The following CMYA5 variants were observed in gnomAD, a reference collection of about 807,000 sequenced individuals.
CMYA5 encodes cardiomyopathy associated 5.
CMYA5 carries 246 observed loss-of-function variants against 318.9 expected under a neutral mutation model. That is an observed-to-expected ratio of 0.77 (90% CI 0.70 to 0.86). The LOEUF (loss-of-function observed/expected upper bound fraction) is 0.86, where lower values mean the gene tolerates loss of function less well. CMYA5 is among the 40% of genes least tolerant of loss of function. The probability of loss-of-function intolerance (pLI) is 0.00; values close to 1 mark genes in which losing one functional copy is unlikely to be tolerated. For missense variants in CMYA5, 4,589 were observed against 4,678.2 expected, an observed-to-expected ratio of 0.98 and a Z score of 0.56; for synonymous variants, 1,641 against 1,729.5, an observed-to-expected ratio of 0.95 and a Z score of 1.27.
chr5:79,720,318 A>C (rs932881434), intron 1 of CMYA5, among the ~76,000 whole-genome samples: 1 of 152,212 alleles, frequency 6.6e-6, no homozygotes, highest in African/African-American at 2.4e-5. Flanking sequence ...AATCATCTTC[A>C]AAAAAGTGAC....
At chr5:79,716,122 A>G (rs1357442339) in intron 1 of CMYA5, among the ~76,000 whole-genome samples, 4 of 152,334 alleles carry the variant, frequency 2.6e-5, no homozygotes, top group Middle Eastern at 3.4e-3. Flanking sequence ...GGTGTCCTTT[A>G]GTTCCTACCA....
At chr5:79,718,537 C>T (rs1275303233) in intron 1 of CMYA5, among the ~76,000 whole-genome samples, 7 of 152,154 alleles carry the variant, frequency 4.6e-5, no homozygotes, top group South Asian at 2.1e-4. Context: ...ATATACTTCC[C>T]GTTAGTGCAC....
chr5:79,746,227 C>T (rs1580783337), intron 4 of CMYA5, among the ~76,000 whole-genome samples: 1 of 152,166 alleles, frequency 6.6e-6, no homozygotes, highest in Non-Finnish European at 1.5e-5. Context: ...TGGGAACCTC[C>T]CTTTCAAAGT....
At chr5:79,768,877 A>G (rs749095627) in intron 9 of CMYA5, among the ~76,000 whole-genome samples, 3 of 151,914 alleles carry the variant, frequency 2.0e-5, no homozygotes, top group Non-Finnish European at 4.4e-5. Context: ...TGGATAATAT[A>G]CTGAAGAGTG....
intron 7 of CMYA5, 71 bp from the exon 8 acceptor site, chr5:79,761,740 C>A: frequency 6.8e-7 from 1 of 1,464,704 alleles, no homozygotes; most frequent in Non-Finnish European, 9.2e-7. Flanking sequence ...TCATAGATGA[C>A]TTTCTCCAGT....
chr5:79,698,515 G>A (rs905627492), intron 1 of CMYA5, among the ~76,000 whole-genome samples: 7 of 152,116 alleles, frequency 4.6e-5, no homozygotes, highest in African/African-American at 1.4e-4. Context: ...CTACATGCAA[G>A]CCAGCAGGCT....
chr5:79,787,606 C>T (rs1829103666), intron 9 of CMYA5, among the ~76,000 whole-genome samples: 1 of 152,208 alleles, frequency 6.6e-6, no homozygotes, highest in Non-Finnish European at 1.5e-5. Context: ...AGGGCCTGGT[C>T]AGGTGATCAG....
chr5:79,796,753 A>G (rs1829283550), intron 12 of CMYA5, among the ~76,000 whole-genome samples: 1 of 152,240 alleles, frequency 6.6e-6, no homozygotes, highest in African/African-American at 2.4e-5. Flanking sequence ...AAAGATAAGA[A>G]GAGCATGTTT....
intron 5 of CMYA5, among the ~76,000 whole-genome samples, chr5:79,748,520 CCTATCTATCTATCTAT>C (rs5869002): frequency 6.7e-6 from 1 of 149,082 alleles, no homozygotes; most frequent in Non-Finnish European, 1.5e-5. Context: ...TATCTATCTA[CCTATCTATCTATCTAT>C]CTATCTATCT....
intron 9 of CMYA5, among the ~76,000 whole-genome samples, chr5:79,771,687 C>G (rs1264106974): frequency 1.3e-5 from 2 of 152,164 alleles, no homozygotes; most frequent in Admixed American, 6.5e-5. Context: ...CTGAGTGAAC[C>G]TTCTCAGCAA....
Position 79,758,828 on chromosome 5 carries a change from T to C in CMYA5, c.11186T>C (p.Met3729Thr), listed in dbSNP as rs551317565. The change falls in exon 7 of 13, where the codon ATG becomes ACG. Residue 3729 changes from methionine to threonine, a missense_variant. This residue lies in a region of CMYA5 where 2,431 missense variants were observed against 2,495.1 expected (regional missense o/e 0.97). Transcript: ENST00000446378. ...TSTTIAVYWSMNKEDVIDSFQ... is the reference protein window; with the variant it reads ...TSTTIAVYWSTNKEDVIDSFQ... ...ACAACAATTGCAGTTTACTGGAGCA[T>C]GAACAAGGAAGATGTCATTGATTCA... is the stretch of plus-strand genomic sequence containing the variant. The C allele has an allele frequency of 6.2e-7, 1 of 1,604,288 alleles. No individual in the cohort carries two copies. The highest frequency in any genetic ancestry group is 2.3e-5 in the East Asian group (1 of 44,288).
chr5:79,703,243 A>G (rs924854598), intron 1 of CMYA5, among the ~76,000 whole-genome samples: 1 of 152,244 alleles, frequency 6.6e-6, no homozygotes, highest in East Asian at 1.9e-4. Flanking sequence ...AGAATAAACT[A>G]GTTAATATTT....
intron 9 of CMYA5, among the ~76,000 whole-genome samples, chr5:79,778,759 T>G (rs1828991216): frequency 6.7e-6 from 1 of 149,182 alleles, no homozygotes; most frequent in African/African-American, 2.5e-5. Flanking sequence ...AGCTTTTAAC[T>G]TGGGTAGCAT....
intron 1 of CMYA5, among the ~76,000 whole-genome samples, chr5:79,710,644 G>T (rs1827371412): frequency 1.3e-5 from 2 of 151,924 alleles, no homozygotes; most frequent in South Asian, 4.2e-4. Flanking sequence ...TTCTTTTTTT[G>T]TGTGCTTCTG....
chr5:79,770,980 C>A (rs1828845646), intron 9 of CMYA5, among the ~76,000 whole-genome samples: 1 of 150,518 alleles, frequency 6.6e-6, no homozygotes, highest in Non-Finnish European at 1.5e-5. Context: ...GAAACAACAT[C>A]TCTTTTAATG....
Position 79,733,926 on chromosome 5 carries a change from A to G in CMYA5, c.5161A>G (p.Ile1721Val), listed in dbSNP as rs1428225. The G allele has an allele frequency of 0.12, 192,007 of 1,612,942 alleles. 21,922 individuals are homozygous for G. The highest frequency in any genetic ancestry group is 0.53 in the African/African-American group (39,848 of 74,854). ...AATTAAACCTTTCTCTCCCAAGATC[A>G]TCAGCCTAGAGTCGAAAGAACCACC... is the stretch of plus-strand genomic sequence containing the variant. ...EEIKPFSPKIISLESKEPPAS... is the reference protein window; with the variant it reads ...EEIKPFSPKIVSLESKEPPAS... Residue 1721 changes from isoleucine to valine, a missense_variant, in exon 2 of 13, where the codon ATC becomes GTC. By Grantham distance (29) the Ile-to-Val change is conservative (BLOSUM62 3). Coordinates refer to ENST00000446378, the MANE Select transcript of CMYA5 (RefSeq NM_153610.5).
At position 79,771,451 on chromosome 5, in the gene CMYA5, T is replaced by A. The variant is rs563656733; in HGVS notation, c.11555+8242T>A. On this transcript the variant is annotated intron_variant, in intron 9 of 12. Coordinates refer to ENST00000446378, the MANE Select transcript of CMYA5 (RefSeq NM_153610.5). ...GCAAGATCAGCCTGCTAATGAAGTC[T>A]CTGAAATGACTCATTCCCTTAATGG... Among the ~76,000 whole-genome samples the A allele has an allele frequency of 9.2e-5, 14 of 152,306 alleles. No homozygotes were observed. In the South Asian group the frequency reaches 2.7e-3, roughly 29 times the overall value.
intron 1 of CMYA5, among the ~76,000 whole-genome samples, chr5:79,705,760 A>G (rs1325827131): frequency 2.6e-5 from 4 of 152,120 alleles, no homozygotes; most frequent in Non-Finnish European, 5.9e-5. Context: ...TCTCTCCTGG[A>G]GTTCTCTTGG....
rs550648987 is a variant in CMYA5 at position 79,738,888 on chromosome 5, G to A, written c.10123G>A (p.Val3375Ile). Reference protein sequence around the residue: ...ASPEVNLNVPVQVSFPEEEFA... With the variant: ...ASPEVNLNVPIQVSFPEEEFA... ...TCCAGAGGTCAATCTGAATGTCCCA[G>A]TACAAGTGTCCTTCCCGGAGGAAGA... The change falls in exon 2 of 13, where the codon GTA (valine) becomes ATA (isoleucine). Residue 3375 changes from valine (V) to isoleucine (I), a missense_variant. By Grantham distance (29) the Val-to-Ile change is conservative. This residue lies in a region of CMYA5 where 2,431 missense variants were observed against 2,495.1 expected (regional missense o/e 0.97). Transcript: ENST00000446378. 433 of 1,613,886 alleles carry A rather than the reference G, an allele frequency of 2.7e-4. 4 individuals are homozygous for A. The South Asian group carries it at 4.6e-3, about 17-fold the overall frequency.
Sources: gnomAD v4.1 joint callset for allele counts (sites outside exome capture counted in the v4.1 genomes callset) on GRCh38, gnomAD v4.1.1 for gene constraint, gnomAD v4.1.1 regional missense constraint, MANE v1.5 for transcripts, NCBI Gene and HGNC (gene_info 2026-07-23, HGNC 2026-07-21) for gene names.